Variants in KIF26B observed in about 807,000 individuals in gnomAD.
KIF26B encodes the protein kinesin family member 26B.
A neutral mutation model predicts 151.2 loss-of-function variants in KIF26B; 63 were observed. The ratio of observed to expected loss-of-function variants is 0.42; its 90% CI spans 0.34 to 0.51. The LOEUF (loss-of-function observed/expected upper bound fraction) is 0.51, where lower values mean the gene tolerates loss of function less well. Among genes scored for constraint, KIF26B ranks in the 20% least tolerant of loss-of-function variants. The pLI is 0.07. For missense variants in KIF26B, 2,813 were observed against 2,913.6 expected (o/e 0.97, Z 0.79); for synonymous variants, 1,357 against 1,262.1 (o/e 1.08, Z -1.59).
chr1:245,498,773 C>T (rs763045436), intron 4 of KIF26B, among the ~76,000 whole-genome samples: 10 of 152,196 alleles, frequency 6.6e-5, no homozygotes, highest in Non-Finnish European at 1.3e-4. Context: ...TGGGTTTGTC[C>T]TTCCAGGTAC....
At chr1:245,160,886 C>T (rs1378649489) in intron 2 of KIF26B, among the ~76,000 whole-genome samples, 1 of 152,030 alleles carries the variant, frequency 6.6e-6, no homozygotes, top group Non-Finnish European at 1.5e-5. Flanking sequence ...TATAGATATC[C>T]CCACATGCAT....
At chr1:245,444,714 T>C (rs1659208350) in intron 4 of KIF26B, among the ~76,000 whole-genome samples, 1 of 152,172 alleles carries the variant, frequency 6.6e-6, no homozygotes, top group South Asian at 2.1e-4. Flanking sequence ...CTCTTGAGAA[T>C]GAAGGGAAGT....
At chr1:245,548,255 C>T (rs1164134681) in intron 5 of KIF26B, among the ~76,000 whole-genome samples, 1 of 151,680 alleles carries the variant, frequency 6.6e-6, no homozygotes, top group Non-Finnish European at 1.5e-5. Context: ...CAGCTCAGTG[C>T]TAGAAAGGAT....
intron 4 of KIF26B, among the ~76,000 whole-genome samples, chr1:245,499,996 C>T (rs112448053): frequency 5.9e-5 from 9 of 152,196 alleles, no homozygotes; most frequent in South Asian, 4.1e-4. Context: ...ACTTCCAATG[C>T]GCACTTTGTT....
chr1:245,640,160 T>TATATATATATATATATATATATACACAC (rs796722836), intron 9 of KIF26B, among the ~76,000 whole-genome samples: 2 of 54,848 alleles, frequency 3.6e-5, no homozygotes, highest in Non-Finnish European at 7.3e-5. Flanking sequence ...TATATATATA[T>TATATATATATATATATATATATACACAC]ACCCTGCTAT....
chr1:245,457,507 G>C (rs1213124892), intron 4 of KIF26B, among the ~76,000 whole-genome samples: 1 of 152,070 alleles, frequency 6.6e-6, no homozygotes. Flanking sequence ...TTAATGTTTC[G>C]GCACTTTTTT....
At chr1:245,646,619 G>A (rs1481280962) in intron 10 of KIF26B, among the ~76,000 whole-genome samples, 1 of 152,050 alleles carries the variant, frequency 6.6e-6, no homozygotes, top group Non-Finnish European at 1.5e-5. Flanking sequence ...GAGAGTGAGG[G>A]GTGGAAGACT....
intron 5 of KIF26B, among the ~76,000 whole-genome samples, chr1:245,590,663 G>A (rs1378349558): frequency 1.3e-5 from 2 of 152,166 alleles, no homozygotes; most frequent in East Asian, 3.9e-4. Context: ...TTCCCAGCAC[G>A]TTGGGAGTCC....
At chr1:245,203,727 G>A (rs1308536942) in intron 2 of KIF26B, among the ~76,000 whole-genome samples, 1 of 151,128 alleles carries the variant, frequency 6.6e-6, no homozygotes, top group Non-Finnish European at 1.5e-5. Context: ...CCGCATGAAA[G>A]CGCTTTTCCC....
intron 2 of KIF26B, among the ~76,000 whole-genome samples, chr1:245,284,184 T>C (rs1190926493): frequency 6.6e-6 from 1 of 152,234 alleles, no homozygotes; most frequent in East Asian, 1.9e-4. Context: ...TTTTGAACTT[T>C]TTATCAATGG....
At chr1:245,651,662 G>A (rs986969461) in intron 10 of KIF26B, among the ~76,000 whole-genome samples, 2 of 152,200 alleles carry the variant, frequency 1.3e-5, no homozygotes, top group African/African-American at 4.8e-5. Flanking sequence ...GGTGAGCAGT[G>A]GGGGAGCATG....
At chr1:245,539,982 C>T (rs7536825) in intron 4 of KIF26B, among the ~76,000 whole-genome samples, 79,101 of 151,928 alleles carry the variant, frequency 0.52, 20,856 homozygotes, top group Middle Eastern at 0.6. Flanking sequence ...TGTTACAGGA[C>T]ACTTGAATGA....
intron 2 of KIF26B, among the ~76,000 whole-genome samples, chr1:245,259,699 A>AG (rs1047527538): frequency 1.3e-5 from 2 of 152,148 alleles, no homozygotes; most frequent in African/African-American, 4.8e-5. Context: ...TGGGAGGTCA[A>AG]GGTGGGCAGA....
At chr1:245,562,990 A>C (rs2042970796) in intron 5 of KIF26B, among the ~76,000 whole-genome samples, 1 of 152,184 alleles carries the variant, frequency 6.6e-6, no homozygotes, top group Admixed American at 6.5e-5. Flanking sequence ...TAGAATTACA[A>C]GTGTAAGCCA....
At position 245,275,668 on chromosome 1, in the gene KIF26B, G is replaced by T. The variant is rs140187411; in HGVS notation, c.466-91166G>T. On this transcript the variant is annotated intron_variant, in intron 2 of 14. Coordinates refer to ENST00000407071, the MANE Select transcript of KIF26B (RefSeq NM_018012.4). ...CTTTTGTCTTTTAATCTGTATACCAGAATTAAAAGTGATTTAAACACTACT... is the reference window on the plus strand; with the variant it reads ...CTTTTGTCTTTTAATCTGTATACCATAATTAAAAGTGATTTAAACACTACT... Among the ~76,000 whole-genome samples the T allele has an allele frequency of 2.5e-3, 379 of 152,240 alleles. 13 individuals carry two copies. In the East Asian group the frequency reaches 0.05, roughly 20 times the overall value.
rs147507394 is a variant in KIF26B at position 245,196,822 on chromosome 1, C to T, written c.465+40139C>T. 3.9e-3 allele frequency among the ~76,000 whole-genome samples: 589 copies of T among 152,266 alleles called. 4 individuals carry two copies. Among genetic ancestry groups the T allele is most frequent in the Middle Eastern group, 0.027 (8 of 294 alleles). ...GATTGCCGGTCACCTCAAATGGTTCCGAGCATACCCTGCTTTGACCACGGT... is the reference window on the plus strand; with the variant it reads ...GATTGCCGGTCACCTCAAATGGTTCTGAGCATACCCTGCTTTGACCACGGT... On this transcript the variant is annotated intron_variant, in intron 2 of 14. Transcript: ENST00000407071.
At chr1:245,409,158 A>G (rs1354207651) in intron 3 of KIF26B, among the ~76,000 whole-genome samples, 3 of 152,232 alleles carry the variant, frequency 2.0e-5, no homozygotes, top group Admixed American at 1.3e-4. Flanking sequence ...GTGAATTCAC[A>G]TGCATATGTG....
chr1:245,243,299 G>A (rs1305309979), intron 2 of KIF26B, among the ~76,000 whole-genome samples: 1 of 152,126 alleles, frequency 6.6e-6, no homozygotes, highest in African/African-American at 2.4e-5. Context: ...GGTTCCTGGT[G>A]AGATTGACCA....
At chr1:245,249,942 C>G (rs1420512969) in intron 2 of KIF26B, among the ~76,000 whole-genome samples, 2 of 152,098 alleles carry the variant, frequency 1.3e-5, no homozygotes, top group African/African-American at 2.4e-5. Flanking sequence ...AGAAGAAATC[C>G]TATTTTCCCA....
Sources: gnomAD v4.1 joint callset for allele counts (sites outside exome capture counted in the v4.1 genomes callset) on GRCh38, gnomAD v4.1.1 for gene constraint, MANE v1.5 for transcripts, NCBI Gene and HGNC (gene_info 2026-07-23, HGNC 2026-07-21) for gene names.